The following NUBP1 variants were observed in gnomAD, a reference collection of about 807,000 sequenced individuals.
NUBP1 encodes cytosolic Fe-S cluster assembly factor NUBP1.
Under a neutral mutation model 41.8 loss-of-function variants are expected in NUBP1, and 46 were observed. That is an observed-to-expected ratio of 1.10 (90% CI 0.87 to 1.41). The LOEUF is 1.41. Among genes scored for constraint, NUBP1 ranks in the 40% most tolerant of loss-of-function variants. The pLI is 0.00. For missense variants in NUBP1, 494 were observed against 414.0 expected, an observed-to-expected ratio of 1.19 and a Z score of -1.68; for synonymous variants, 189 against 154.6, an observed-to-expected ratio of 1.22 and a Z score of -1.65.
chr16:10,745,978 A>G (rs1383662648), intron 2 of NUBP1, among the ~76,000 whole-genome samples: 2 of 152,136 alleles, frequency 1.3e-5, no homozygotes, highest in Non-Finnish European at 2.9e-5. Context: ...ATGGGAGGAT[A>G]CTCATCTTCA....
rs145440470 is a variant in NUBP1 at position 10,768,840 on chromosome 16, G to C, written c.905-207G>C. On this transcript the variant is annotated intron_variant, in intron 10 of 10. Coordinates refer to ENST00000283027, the MANE Select transcript of NUBP1 (RefSeq NM_002484.4). This position sits in a 1 kb window ranked among gnomAD's most constrained non-coding sequence, Gnocchi z 4.3. Reference sequence around the variant, plus strand: ...TCCATCTATAGATGGTCCGAGGAAGGCCGCAGCCACTGGTTATGAGCAAGA... The same window carrying C: ...TCCATCTATAGATGGTCCGAGGAAGCCCGCAGCCACTGGTTATGAGCAAGA... 1.9e-6 allele frequency: 1 copy of C among 526,008 alleles called. No homozygotes were observed. The highest frequency in any genetic ancestry group is 3.4e-6 in the Non-Finnish European group (1 of 296,390). The allele number at this position is 526,008 out of a possible 1,614,324, so 32.6% of individuals were successfully genotyped here.
Position 10,752,186 on chromosome 16 carries a change from T to C in NUBP1, c.259-424T>C, listed in dbSNP as rs530088526. 6.6e-5 allele frequency among the ~76,000 whole-genome samples: 10 copies of C among 152,294 alleles called. No homozygotes were observed. The East Asian group carries it at 1.9e-3, about 29-fold the overall frequency. ...AAATTTAAGATGCAGAGACCAAGGC[T>C]TGGTGAGGGGTGAGCAAAAGAGAGC... On this transcript the variant is annotated intron_variant, in intron 3 of 10. Coordinates refer to ENST00000283027, the MANE Select transcript of NUBP1 (RefSeq NM_002484.4).
At chr16:10,752,817 C>T (rs755037024) in intron 4 of NUBP1, 139 bp downstream of exon 4, 4 of 721,538 alleles carry the variant, frequency 5.5e-6, no homozygotes, top group African/African-American at 1.8e-5. Context: ...GTTTTTGAGA[C>T]AAGGTCTCAC....
intron 2 of NUBP1, among the ~76,000 whole-genome samples, chr16:10,744,920 G>A (rs900907624): frequency 4.0e-5 from 6 of 151,714 alleles, no homozygotes; most frequent in African/African-American, 4.8e-5. Flanking sequence ...ACCACGGCTG[G>A]CTAATTTTTA....
chr16:10,756,643 T>C (rs1236422402), intron 5 of NUBP1, 47 bp from the exon 6 acceptor site: 2 of 1,413,846 alleles, frequency 1.4e-6, no homozygotes, highest in Admixed American at 2.8e-5. Context: ...CCTCACTGTG[T>C]GGTTTTGAGT....
intron 7 of NUBP1, among the ~76,000 whole-genome samples, 175 bp downstream of exon 7, chr16:10,758,202 G>A (rs1212342728): frequency 1.3e-5 from 2 of 152,206 alleles, no homozygotes; most frequent in Non-Finnish European, 2.9e-5. Context: ...CCAGCACAGT[G>A]ATTCACACCT....
In NUBP1 at chr16:10,744,023, CAG is replaced by C; in HGVS notation, c.83_84del (p.Gln28ProfsTer55). ...RGASCQGCPNQRLCASGAGAT... is the reference protein window; with the variant it reads ...RGASCQGCPNXRLCASGAGAT... ...GGCTTCATGTCAGGGATGCCCCAAC[CAG>C]CGGCTGTGCGCTTCTGGAGCGGGGG... On this transcript the variant is annotated frameshift_variant, in exon 2 of 11. Coordinates refer to ENST00000283027, the MANE Select transcript of NUBP1 (RefSeq NM_002484.4). LOFTEE classifies it high-confidence loss of function. 1 of 1,580,148 alleles carries C rather than the reference CAG, an allele frequency of 6.3e-7. No homozygotes were observed. Among genetic ancestry groups the C allele is most frequent in the Non-Finnish European group, 8.6e-7 (1 of 1,168,926 alleles).
chr16:10,744,149 G>T, intron 2 of NUBP1, 84 bp downstream of exon 2: 1 of 1,215,030 alleles, frequency 8.2e-7, no homozygotes, highest in South Asian at 1.4e-5. Context: ...GGCGGGATCT[G>T]CAGAATGACT....
chr16:10,754,742 C>T (rs1053671094), intron 4 of NUBP1, among the ~76,000 whole-genome samples: 1 of 151,930 alleles, frequency 6.6e-6, no homozygotes, highest in African/African-American at 2.4e-5. Context: ...AAGAGTCAGG[C>T]AAATGTTCTA....
In NUBP1 at chr16:10,744,047, G is replaced by T. The variant is rs1335886587; in HGVS notation, c.106G>T (p.Gly36Trp). Residue 36 changes from glycine (G) to tryptophan (W), a missense_variant, in exon 2 of 11, where the codon GGG (glycine) becomes TGG (tryptophan). Coordinates refer to ENST00000283027, the MANE Select transcript of NUBP1 (RefSeq NM_002484.4). ...CCAGCGGCTGTGCGCTTCTGGAGCGGGGGCCACTCCGGACACGGGTGAGAA... is the reference window on the plus strand; with the variant it reads ...CCAGCGGCTGTGCGCTTCTGGAGCGTGGGCCACTCCGGACACGGGTGAGAA... ...PNQRLCASGAGATPDTAIEEI... is the reference protein window; with the variant it reads ...PNQRLCASGAWATPDTAIEEI... The T allele has an allele frequency of 1.3e-6, 2 of 1,583,394 alleles. No homozygotes were observed. The highest frequency in any genetic ancestry group is 1.7e-6 in the Non-Finnish European group (2 of 1,170,042).
Position 10,768,087 on chromosome 16 carries a change from A to G in NUBP1, c.904+55A>G. 1.3e-6 allele frequency: 2 copies of G among 1,556,560 alleles called. No individual in the cohort carries two copies. The highest frequency in any genetic ancestry group is 1.8e-6 in the Non-Finnish European group (2 of 1,130,740). Reference sequence around the variant, plus strand: ...ATGCCTGTGGGGCAGGAAGCAACATAAAGGAGCCAGGGGTGTGGAAGGACA... The same window carrying G: ...ATGCCTGTGGGGCAGGAAGCAACATGAAGGAGCCAGGGGTGTGGAAGGACA... On this transcript the variant is annotated intron_variant, in intron 10 of 10. Coordinates refer to ENST00000283027, the MANE Select transcript of NUBP1 (RefSeq NM_002484.4). This position sits in a 1 kb window ranked among gnomAD's most constrained non-coding sequence, Gnocchi z 4.3.
intron 7 of NUBP1, among the ~76,000 whole-genome samples, chr16:10,758,680 T>C (rs918334980): frequency 6.6e-6 from 1 of 152,214 alleles, no homozygotes; most frequent in African/African-American, 2.4e-5. Flanking sequence ...GCCGTGTCCA[T>C]GTGTCAGGTC....
intron 6 of NUBP1, 143 bp downstream of exon 6, chr16:10,756,923 A>G: frequency 1.7e-6 from 1 of 599,240 alleles, no homozygotes; most frequent in Non-Finnish European, 2.9e-6. Flanking sequence ...CTCTTTCTTC[A>G]CTGGTTGAAA....
At chr16:10,750,141 T>C (rs762745876) in intron 3 of NUBP1, among the ~76,000 whole-genome samples, 1 of 152,190 alleles carries the variant, frequency 6.6e-6, no homozygotes, top group Non-Finnish European at 1.5e-5. Flanking sequence ...AAGGCTGCAG[T>C]GAGCCGTGAT....
intron 2 of NUBP1, among the ~76,000 whole-genome samples, chr16:10,745,169 CA>C (rs1900004997): frequency 6.7e-6 from 1 of 150,232 alleles, no homozygotes; most frequent in Non-Finnish European, 1.5e-5. Flanking sequence ...GGTTCCTCAT[CA>C]AAAATGGAGA....
chr16:10,743,867 G>T lies in NUBP1; in HGVS notation c.4G>T (p.Glu2Ter), dbSNP rs765995526. The change falls in exon 1 of 11, where the codon GAG becomes TAG. Residue 2 changes from glutamate to a stop codon, truncating the protein, a stop_gained. Coordinates refer to ENST00000283027, the MANE Select transcript of NUBP1 (RefSeq NM_002484.4). LOFTEE classifies it high-confidence loss of function. M[E>*]EVPHDCPGAD... ...CGAAGGCGGCAAAGGCGACGGAATG[G>T]AGGAGGTGCCTCACGGTAAGCTCGC... The T allele has an allele frequency of 3.8e-6, 6 of 1,565,806 alleles. No individual in the cohort carries two copies. Among genetic ancestry groups the T allele is most frequent in the Non-Finnish European group, 5.2e-6 (6 of 1,155,978 alleles).
rs900932914 is a variant in NUBP1, at chr16:10,757,799, A to T, written c.452-74A>T. 7.9e-5 allele frequency: 85 copies of T among 1,071,178 alleles called. No individual in the cohort carries two copies. Among genetic ancestry groups the T allele is most frequent in the Middle Eastern group, 6.8e-4 (3 of 4,404 alleles). 66.4% of individuals were successfully genotyped at this position (1,071,178 alleles called of 1,614,324 possible). ...GCAACATAGCAAGACCCCATCCTTTAAAAAAAAAAGAGGGAGTTGAAAGTA... is the reference window on the plus strand; with the variant it reads ...GCAACATAGCAAGACCCCATCCTTTTAAAAAAAAAGAGGGAGTTGAAAGTA... On this transcript the variant is annotated intron_variant, in intron 6 of 10. Coordinates refer to ENST00000283027, the MANE Select transcript of NUBP1 (RefSeq NM_002484.4). This position sits in a 1 kb window ranked among gnomAD's most constrained non-coding sequence, Gnocchi z 4.1.
In NUBP1 at chr16:10,767,581, A is replaced by G. The variant is rs1596482088; in HGVS notation, c.821-368A>G. 2.2e-6 allele frequency: 1 copy of G among 454,158 alleles called. No individual in the cohort carries two copies. The highest frequency in any genetic ancestry group is 3.3e-5 in the East Asian group (1 of 30,124). 28.1% of individuals were successfully genotyped at this position (454,158 alleles called of 1,614,324 possible). On this transcript the variant is annotated intron_variant, in intron 9 of 10. Coordinates refer to ENST00000283027, the MANE Select transcript of NUBP1 (RefSeq NM_002484.4). The surrounding 1 kb of genome is among the most constrained non-coding windows in gnomAD (Gnocchi z 4.6). ...CTTTTCGGACTTGGCCTTTTATGCC[A>G]TATCCTTTTGCATTCTGTACTTTTT... is the stretch of plus-strand genomic sequence containing the variant.
At chr16:10,756,837 T>G in intron 6 of NUBP1, 57 bp downstream of exon 6, 1 of 1,382,688 alleles carries the variant, frequency 7.2e-7, no homozygotes, top group Middle Eastern at 1.8e-4. Context: ...TTGTGGCTCT[T>G]GGCTTTATCT....
Sources: allele counts gnomAD v4.1 joint callset (sites outside exome capture counted in the v4.1 genomes callset), GRCh38; gene constraint gnomAD v4.1.1; non-coding constraint Gnocchi (gnomAD v3.1); transcripts MANE v1.5; gene names NCBI Gene and HGNC (gene_info 2026-07-23, HGNC 2026-07-21).